Variants in ADAMTSL1 observed in about 807,000 individuals in gnomAD.
The protein encoded by ADAMTSL1 is ADAMTS-like protein 1.
Under a neutral mutation model 201.8 loss-of-function variants are expected in ADAMTSL1, and 126 were observed. That is an observed-to-expected ratio of 0.62 (90% CI 0.54 to 0.72). ADAMTSL1 has a LOEUF of 0.72. Ranked by LOEUF, ADAMTSL1 falls within the 30% of genes least tolerant of loss-of-function variation. The pLI is 0.00. For missense variants in ADAMTSL1, 2,679 were observed against 2,277.8 expected, an observed-to-expected ratio of 1.18 and a Z score of -3.59; for synonymous variants, 1,121 against 903.4, an observed-to-expected ratio of 1.24 and a Z score of -4.32.
At chr9:18,388,494 G>A (rs1490347098) in intron 2 of ADAMTSL1, among the ~76,000 whole-genome samples, 5 of 151,994 alleles carry the variant, frequency 3.3e-5, no homozygotes, top group African/African-American at 9.7e-5. Flanking sequence ...GGCTGGTTTC[G>A]AAGTCCTGAC....
chr9:18,051,458 TC>T (rs1317098533), intron 1 of ADAMTSL1, among the ~76,000 whole-genome samples: 1 of 152,070 alleles, frequency 6.6e-6, no homozygotes, highest in Non-Finnish European at 1.5e-5. Flanking sequence ...GAGGCATGTG[TC>T]CTGTTGGGCT....
At chr9:18,183,925 G>A (rs140672740) in intron 2 of ADAMTSL1, among the ~76,000 whole-genome samples, 218 of 152,204 alleles carry the variant, frequency 1.4e-3, no homozygotes, top group Admixed American at 3.3e-3. Flanking sequence ...ATTAAATACC[G>A]TGACTAGGGA....
intron 2 of ADAMTSL1, among the ~76,000 whole-genome samples, chr9:18,253,136 T>C (rs1294204385): frequency 6.6e-6 from 1 of 152,190 alleles, no homozygotes; most frequent in African/African-American, 2.4e-5. Flanking sequence ...AACCAAGGTG[T>C]AGAACAATAT....
At chr9:18,157,948 G>A (rs1827227187) in intron 1 of ADAMTSL1, among the ~76,000 whole-genome samples, 1 of 151,936 alleles carries the variant, frequency 6.6e-6, no homozygotes, top group African/African-American at 2.4e-5. Context: ...TGTATGCATA[G>A]GTATATTGTC....
intron 2 of ADAMTSL1, among the ~76,000 whole-genome samples, chr9:18,242,655 C>A (rs1587382614): frequency 6.6e-6 from 1 of 151,942 alleles, no homozygotes. Context: ...AATTGATGCA[C>A]TAAAGTTGTA....
chr9:17,915,227 C>G (rs955797135), intron 1 of ADAMTSL1, among the ~76,000 whole-genome samples: 6 of 152,180 alleles, frequency 3.9e-5, no homozygotes, highest in Admixed American at 2.6e-4. Context: ...GATCACCAGA[C>G]AAACATTACC....
At chr9:18,481,656 G>A (rs1821736406) in intron 1 of ADAMTSL1, among the ~76,000 whole-genome samples, 1 of 152,010 alleles carries the variant, frequency 6.6e-6, no homozygotes, top group Non-Finnish European at 1.5e-5. Flanking sequence ...TTTTATCCCT[G>A]TGTAAATGTA....
At chr9:18,870,566 C>T (rs575802136) in intron 23 of ADAMTSL1, among the ~76,000 whole-genome samples, 159 of 152,220 alleles carry the variant, frequency 1.0e-3, no homozygotes, top group African/African-American at 3.8e-3. Context: ...CTGTGACTTG[C>T]TTCTAAACTT....
At chr9:18,183,532 C>G (rs1020244549) in intron 2 of ADAMTSL1, among the ~76,000 whole-genome samples, 1 of 152,098 alleles carries the variant, frequency 6.6e-6, no homozygotes, top group African/African-American at 2.4e-5. Context: ...AATAAACAAA[C>G]AATCCAGTTC....
At chr9:18,503,887 T>C (rs1822981736) in intron 1 of ADAMTSL1, among the ~76,000 whole-genome samples, 1 of 152,076 alleles carries the variant, frequency 6.6e-6, no homozygotes, top group Admixed American at 6.6e-5. Flanking sequence ...AAGGATCCCA[T>C]TACTACAAAA....
At chr9:18,631,775 C>A (rs1396575102) in intron 5 of ADAMTSL1, among the ~76,000 whole-genome samples, 1 of 152,164 alleles carries the variant, frequency 6.6e-6, no homozygotes, top group African/African-American at 2.4e-5. Context: ...CTTTTAGGTA[C>A]AGTCCTTGGG....
At chr9:18,220,395 T>G (rs1830211274) in intron 2 of ADAMTSL1, among the ~76,000 whole-genome samples, 1 of 152,210 alleles carries the variant, frequency 6.6e-6, no homozygotes, top group African/African-American at 2.4e-5. Flanking sequence ...TTGAAAATTA[T>G]TTTTCCTTAA....
At chr9:18,682,480 A>G (rs1002874087) in intron 12 of ADAMTSL1, among the ~76,000 whole-genome samples, 2 of 152,198 alleles carry the variant, frequency 1.3e-5, no homozygotes, top group African/African-American at 4.8e-5. Flanking sequence ...TTTAAAAGAT[A>G]TTGCAATAAT....
intron 2 of ADAMTSL1, among the ~76,000 whole-genome samples, chr9:18,425,953 G>T (rs768661651): frequency 4.6e-5 from 7 of 151,328 alleles, no homozygotes; most frequent in Non-Finnish European, 8.8e-5. Context: ...TGTTATTATT[G>T]AAAGATGAGA....
intron 1 of ADAMTSL1, among the ~76,000 whole-genome samples, chr9:18,097,659 T>A (rs1401245584): frequency 2.6e-5 from 4 of 152,182 alleles, no homozygotes; most frequent in Admixed American, 6.5e-5. Flanking sequence ...CTCATTATGG[T>A]TCTAGTTGGC....
At chr9:18,084,290 G>A (rs886471503) in intron 1 of ADAMTSL1, among the ~76,000 whole-genome samples, 1 of 152,116 alleles carries the variant, frequency 6.6e-6, no homozygotes, top group Non-Finnish European at 1.5e-5. Context: ...GGGAGGCCAA[G>A]GCAGGTGGAT....
rs564180454 is a variant in ADAMTSL1, at chr9:17,978,133, G to A, written c.87+71211G>A. ...ATAACTATACTTCTGTTCTCTTTTAGTTTTCATTTGTATGGAATATCTTTT... is the reference window on the plus strand; with the variant it reads ...ATAACTATACTTCTGTTCTCTTTTAATTTTCATTTGTATGGAATATCTTTT... On this transcript the variant is annotated intron_variant, in intron 1 of 29. Coordinates refer to the ADAMTSL1 transcript ENST00000680146. Among the ~76,000 whole-genome samples, 120 of 151,872 alleles carry A rather than the reference G, an allele frequency of 7.9e-4. 2 individuals carry two copies. Among genetic ancestry groups the A allele is most frequent in the African/African-American group, 2.8e-3 (115 of 41,462 alleles).
chr9:18,506,483 G>C (rs1817666661), intron 2 of ADAMTSL1, among the ~76,000 whole-genome samples: 1 of 152,200 alleles, frequency 6.6e-6, no homozygotes, highest in Non-Finnish European at 1.5e-5. Flanking sequence ...ATGTCAGCTT[G>C]AGGTAGGATC....
intron 2 of ADAMTSL1, among the ~76,000 whole-genome samples, chr9:18,202,062 T>C (rs1829471174): frequency 6.6e-6 from 1 of 152,170 alleles, no homozygotes; most frequent in African/African-American, 2.4e-5. Flanking sequence ...ATTGTGATTG[T>C]TGGGTAATGT....
Sources: allele counts gnomAD v4.1 joint callset (sites outside exome capture counted in the v4.1 genomes callset), GRCh38; gene constraint gnomAD v4.1.1; transcripts MANE v1.5; gene names NCBI Gene and HGNC (gene_info 2026-07-23, HGNC 2026-07-21).